Variants in SNX29 observed in about 807,000 individuals in gnomAD.
SNX29 encodes the protein sorting nexin 29, also known as sorting nexin-29.
SNX29 carries 78 observed loss-of-function variants against 102.1 expected under a neutral mutation model. That is an observed-to-expected ratio of 0.76 (90% CI 0.64 to 0.92). SNX29 has a LOEUF of 0.92. SNX29 is among the 40% of genes least tolerant of loss of function. The pLI is 0.00. For missense variants in SNX29, 1,280 were observed against 1,061.7 expected (o/e 1.21, Z -2.86); for synonymous variants, 580 against 414.5 (o/e 1.40, Z -4.85).
intron 13 of SNX29, among the ~76,000 whole-genome samples, chr16:12,131,997 T>G (rs2054487274): frequency 6.6e-6 from 1 of 152,216 alleles, no homozygotes; most frequent in Admixed American, 6.5e-5. Context: ...CTGGCCATGC[T>G]AGAGTTTTGC....
At chr16:12,183,152 A>C (rs2076430199) in intron 13 of SNX29, among the ~76,000 whole-genome samples, 1 of 152,136 alleles carries the variant, frequency 6.6e-6, no homozygotes, top group East Asian at 1.9e-4. Flanking sequence ...GGCGTGCGCC[A>C]CCACACTGGG....
chr16:12,200,292 A>C (rs1163165814), intron 14 of SNX29, among the ~76,000 whole-genome samples: 1 of 152,190 alleles, frequency 6.6e-6, no homozygotes, highest in Non-Finnish European at 1.5e-5. Context: ...AGATCTTGCC[A>C]AATGAGGTGG....
At chr16:12,473,011 T>C (rs1567599826) in intron 18 of SNX29, among the ~76,000 whole-genome samples, 2 of 152,110 alleles carry the variant, frequency 1.3e-5, no homozygotes, top group Non-Finnish European at 2.9e-5. Flanking sequence ...AGAGGTCAAC[T>C]CTTTTTATCC....
At chr16:12,140,361 C>T (rs895151569) in intron 13 of SNX29, among the ~76,000 whole-genome samples, 2 of 152,232 alleles carry the variant, frequency 1.3e-5, no homozygotes, top group Non-Finnish European at 2.9e-5. Context: ...GATTCACTCT[C>T]TCATTTCCCG....
In SNX29 at chr16:12,567,753, A is replaced by T. The variant is rs189578836; in HGVS notation, c.2319-753A>T. On this transcript the variant is annotated intron_variant, in intron 20 of 20. Coordinates refer to ENST00000566228, the MANE Select transcript of SNX29 (RefSeq NM_032167.5). The stretch of plus-strand genomic sequence containing the variant: ...CTGTAAAACCTGGGCAAGAGTCGAG[A>T]CTGTCTCCAGAAAATACAATTTTGA... 2.9e-3 allele frequency among the ~76,000 whole-genome samples: 441 copies of T among 152,236 alleles called. 5 individuals are homozygous for T. The highest frequency in any genetic ancestry group is 0.01 in the African/African-American group (426 of 41,520).
At chr16:12,257,248 C>G (rs755923013) in intron 14 of SNX29, among the ~76,000 whole-genome samples, 3 of 152,188 alleles carry the variant, frequency 2.0e-5, no homozygotes, top group Non-Finnish European at 2.9e-5. Flanking sequence ...TGGAATCCGA[C>G]TTCCTGTTCT....
At chr16:12,472,485 C>T (rs138504940) in intron 18 of SNX29, among the ~76,000 whole-genome samples, 2 of 142,164 alleles carry the variant, frequency 1.4e-5, no homozygotes, top group African/African-American at 5.3e-5. Flanking sequence ...TGCCACTGCA[C>T]TTCAGCCTGG....
At chr16:12,277,636 A>G (rs2079295554) in intron 14 of SNX29, among the ~76,000 whole-genome samples, 1 of 152,120 alleles carries the variant, frequency 6.6e-6, no homozygotes, top group East Asian at 1.9e-4. Flanking sequence ...TGACAGTGGC[A>G]CAATCATAGC....
chr16:12,118,772 G>A (rs1003534280), intron 11 of SNX29, among the ~76,000 whole-genome samples: 1 of 152,166 alleles, frequency 6.6e-6, no homozygotes, highest in African/African-American at 2.4e-5. Context: ...GAGTGGGACA[G>A]GCAGGGTAGG....
At chr16:12,549,904 G>A (rs2077859163) in intron 20 of SNX29, among the ~76,000 whole-genome samples, 1 of 152,218 alleles carries the variant, frequency 6.6e-6, no homozygotes. Context: ...AGAAAATGAT[G>A]GCCCACAGGC....
chr16:12,475,025 G>T (rs62028446), intron 18 of SNX29, among the ~76,000 whole-genome samples: 2,053 of 152,336 alleles, frequency 0.013, 32 homozygotes, highest in Non-Finnish European at 0.022. Context: ...CTCTCCATCT[G>T]TGGGGTGGTC....
chr16:12,212,986 C>A (rs2077227143), intron 14 of SNX29, among the ~76,000 whole-genome samples: 1 of 152,092 alleles, frequency 6.6e-6, no homozygotes, highest in South Asian at 2.1e-4. Context: ...TGGTGGCATG[C>A]ACCTGTAATC....
rs1037150340 is a variant in SNX29, at chr16:12,571,642, A to T, written c.*3013A>T. 5.7e-6 allele frequency: 6 copies of T among 1,059,080 alleles called. No homozygotes were observed. The African/African-American group carries it at 8.2e-5, about 15-fold the overall frequency. The allele number at this position is 1,059,080 out of a possible 1,614,324, so 65.6% of individuals were successfully genotyped here. A position where few individuals can be genotyped will look rare whatever the true frequency, so the allele number is the denominator to read the frequency against. Reference sequence around the variant, plus strand: ...CACATCTTTTTTTCTCCCCCAGATGAAAGACGACTCAGGAACGGTAGGGCT... The same window carrying T: ...CACATCTTTTTTTCTCCCCCAGATGTAAGACGACTCAGGAACGGTAGGGCT... On this transcript the variant is annotated 3_prime_UTR_variant, in exon 21 of 21. Transcript: ENST00000566228.
chr16:12,513,720 C>T (rs2089738408), intron 19 of SNX29, among the ~76,000 whole-genome samples: 1 of 152,180 alleles, frequency 6.6e-6, no homozygotes, highest in Non-Finnish European at 1.5e-5. Context: ...TCTAAATTTG[C>T]AATTGTATTA....
Position 12,189,966 on chromosome 16 carries a change from G to A in SNX29, c.1596-9635G>A, listed in dbSNP as rs77613493. 5.5e-3 allele frequency among the ~76,000 whole-genome samples: 834 copies of A among 152,142 alleles called. 8 individuals are homozygous for A. The highest frequency in any genetic ancestry group is 0.018 in the African/African-American group (732 of 41,504). On this transcript the variant is annotated intron_variant, in intron 13 of 20. Coordinates refer to ENST00000566228, the MANE Select transcript of SNX29 (RefSeq NM_032167.5). Reference sequence around the variant, plus strand: ...ACCATTGACTTCTCACTTTCTTGACGTATTTGTTATTCTCTTCTCCAATAA... The same window carrying A: ...ACCATTGACTTCTCACTTTCTTGACATATTTGTTATTCTCTTCTCCAATAA...
intron 19 of SNX29, among the ~76,000 whole-genome samples, chr16:12,500,082 C>A (rs1377864121): frequency 6.6e-6 from 1 of 152,172 alleles, no homozygotes; most frequent in Non-Finnish European, 1.5e-5. Context: ...GCCTCAAACT[C>A]CTGGGCTTAA....
intron 14 of SNX29, among the ~76,000 whole-genome samples, chr16:12,241,707 C>G (rs530818087): frequency 6.6e-6 from 1 of 152,206 alleles, no homozygotes; most frequent in Non-Finnish European, 1.5e-5. Context: ...AGTGATCCGC[C>G]TGCCTTGGCC....
chr16:12,462,878 A>G (rs763503732), intron 18 of SNX29, among the ~76,000 whole-genome samples: 8 of 152,234 alleles, frequency 5.3e-5, no homozygotes, highest in Non-Finnish European at 1.0e-4. Context: ...CATGACTCAA[A>G]TATCCAGACT....
intron 20 of SNX29, among the ~76,000 whole-genome samples, chr16:12,559,956 G>A (rs963314381): frequency 6.6e-6 from 1 of 152,134 alleles, no homozygotes; most frequent in Non-Finnish European, 1.5e-5. Flanking sequence ...TCCAGCCTGG[G>A]CAACAGAGCA....
Sources: gnomAD v4.1 joint callset for allele counts (sites outside exome capture counted in the v4.1 genomes callset) on GRCh38, gnomAD v4.1.1 for gene constraint, MANE v1.5 for transcripts, NCBI Gene and HGNC (gene_info 2026-07-23, HGNC 2026-07-21) for gene names.